CFAP54: variants seen among roughly 807,000 people sequenced by gnomAD.
CFAP54 encodes cilia and flagella associated protein 54.
A neutral mutation model predicts 370.4 loss-of-function variants in CFAP54; 290 were observed. The ratio of observed to expected loss-of-function variants is 0.78; its 90% CI spans 0.71 to 0.86. The LOEUF (loss-of-function observed/expected upper bound fraction) is 0.86, where lower values mean the gene tolerates loss of function less well. CFAP54 is among the 40% of genes least tolerant of loss of function. CFAP54 has a pLI of 0.00. For synonymous variants in CFAP54, 1,206 were observed against 1,236.5 expected, an observed-to-expected ratio of 0.98 and a Z score of 0.52; for missense variants, 3,399 against 3,528.7, an observed-to-expected ratio of 0.96 and a Z score of 0.93.
intron 50 of CFAP54, among the ~76,000 whole-genome samples, chr12:96,726,611 C>T (rs1225461945): frequency 6.6e-6 from 1 of 151,528 alleles, no homozygotes; most frequent in African/African-American, 2.4e-5. Context: ...TTTTGTTGAT[C>T]CTTTCAAAAA....
At chr12:96,679,370 A>T (rs1189078475) in intron 39 of CFAP54, among the ~76,000 whole-genome samples, 1 of 152,008 alleles carries the variant, frequency 6.6e-6, no homozygotes, top group Non-Finnish European at 1.5e-5. Flanking sequence ...TGCATTTCAT[A>T]AGAATCAAAA....
At chr12:96,645,719 C>A (rs1482870237) in intron 33 of CFAP54, 1 of 152,402 alleles carries the variant, frequency 6.6e-6, no homozygotes, top group Non-Finnish European at 1.5e-5. Flanking sequence ...GCTACAGTAA[C>A]CGAAACAGCA....
intron 26 of CFAP54, among the ~76,000 whole-genome samples, chr12:96,609,442 A>G (rs1271327328): frequency 6.6e-6 from 1 of 152,230 alleles, no homozygotes; most frequent in Non-Finnish European, 1.5e-5. Flanking sequence ...CTATTGAATA[A>G]TGACAAAGAC....
Position 96,608,308 on chromosome 12 carries a change from T to TATAC in CFAP54, c.3639+9542_3639+9543insTACA, listed in dbSNP as rs1350523821. 4.6e-5 allele frequency among the ~76,000 whole-genome samples: 7 copies of TATAC among 150,682 alleles called. No individual in the cohort carries two copies. The East Asian group carries it at 7.8e-4, about 17-fold the overall frequency. ...TGCATTTTATATATGCATATATATA[T>TATAC]ACACACACACACACACACACACACA... On this transcript the variant is annotated intron_variant, in intron 26 of 67. Transcript: ENST00000524981.
chr12:96,837,360 C>T (rs1038474485), intron 66 of CFAP54, among the ~76,000 whole-genome samples: 2 of 152,308 alleles, frequency 1.3e-5, no homozygotes, highest in African/African-American at 4.8e-5. Flanking sequence ...TTATCTGGTA[C>T]TGAGTTATCA....
intron 63 of CFAP54, among the ~76,000 whole-genome samples, chr12:96,810,309 T>A (rs1215053427): frequency 6.6e-6 from 1 of 152,176 alleles, no homozygotes; most frequent in African/African-American, 2.4e-5. Context: ...GTTGCTAACA[T>A]CTTTTGTCTG....
chr12:96,562,340 A>G (rs943324223), intron 17 of CFAP54, among the ~76,000 whole-genome samples: 4 of 152,006 alleles, frequency 2.6e-5, no homozygotes, highest in Non-Finnish European at 5.9e-5. Context: ...CATACATCAG[A>G]GAACTGTGTC....
At position 96,679,660 on chromosome 12, in the gene CFAP54, G is replaced by A. The variant is rs1345581705; in HGVS notation, c.5624G>A (p.Cys1875Tyr). ...VPVDVTDTLR[C>Y]FRETLEKSKY... The stretch of plus-strand genomic sequence containing the variant: ...GTGGACGTGACAGACACCTTGAGGT[G>A]TTTTAGAGAGACACTGGAAAAATCC... The change falls in exon 40 of 68, where the codon TGT becomes TAT. Residue 1875 changes from cysteine (C) to tyrosine (Y), a missense_variant. By Grantham distance (194) the Cys-to-Tyr change is radical (BLOSUM62 -2). Transcript: ENST00000524981. The A allele has an allele frequency of 4.3e-6, 7 of 1,613,866 alleles. 1 individual carries two copies. The highest frequency in any genetic ancestry group is 2.2e-5 in the South Asian group (2 of 91,040).
intron 56 of CFAP54, among the ~76,000 whole-genome samples, chr12:96,756,165 A>G (rs1465908149): frequency 1.3e-5 from 2 of 152,206 alleles, no homozygotes; most frequent in East Asian, 3.9e-4. Context: ...AGGGAGAAGC[A>G]CAAAGTAAGG....
chr12:96,594,313 A>T lies in CFAP54; in HGVS notation c.3383A>T (p.Glu1128Val). The T allele has an allele frequency of 2.0e-6, 3 of 1,533,118 alleles. No individual in the cohort carries two copies. The highest frequency in any genetic ancestry group is 2.6e-6 in the Non-Finnish European group (3 of 1,144,924). The allele number at this position is 1,533,118 out of a possible 1,614,324, so 95.0% of individuals were successfully genotyped here. A position where few individuals can be genotyped will look rare whatever the true frequency, so the allele number is the denominator to read the frequency against. ...SQQIARLIEC[E>V]RVLVALELSN... ...CAGATTGCCAGACTGATTGAATGTG[A>T]GAGAGTATTAGTGGCATTGGAACTT... Residue 1128 changes from glutamate (E) to valine (V), a missense_variant, in exon 25 of 68, where the codon GAG (glutamate) becomes GTG (valine). Glu to Val is a moderately radical substitution (Grantham distance 121). Transcript: ENST00000524981.
chr12:96,695,507 C>A (rs1204915248), intron 45 of CFAP54, among the ~76,000 whole-genome samples: 1 of 152,152 alleles, frequency 6.6e-6, no homozygotes, highest in Non-Finnish European at 1.5e-5. Context: ...TTACTGAACT[C>A]TTATGAGTTC....
chr12:96,542,080 A>C (rs892818068), intron 14 of CFAP54, among the ~76,000 whole-genome samples: 2 of 152,104 alleles, frequency 1.3e-5, no homozygotes, highest in Non-Finnish European at 2.9e-5. Context: ...GAGGGTGTTT[A>C]CTTTGCTGTT....
chr12:96,803,751 C>T (rs1269150208), intron 63 of CFAP54, among the ~76,000 whole-genome samples: 1 of 152,044 alleles, frequency 6.6e-6, no homozygotes, highest in Non-Finnish European at 1.5e-5. Context: ...TTGTCCCCTA[C>T]AAAAGCAATT....
chr12:96,535,489 C>T (rs939952396), intron 11 of CFAP54, 26 bp from the exon 12 acceptor site: 10 of 1,434,812 alleles, frequency 7.0e-6, no homozygotes, highest in Admixed American at 2.2e-5. Flanking sequence ...TTTTTTGTTT[C>T]ATTTTCCTCT....
At chr12:96,654,958 A>G (rs1956905428) in intron 36 of CFAP54, among the ~76,000 whole-genome samples, 1 of 151,966 alleles carries the variant, frequency 6.6e-6, no homozygotes, top group East Asian at 1.9e-4. Context: ...GAAAATACCA[A>G]TAGGCATTCT....
intron 33 of CFAP54, chr12:96,645,270 T>C (rs1273093749): frequency 4.9e-6 from 2 of 411,832 alleles, no homozygotes; most frequent in Non-Finnish European, 9.9e-6. Flanking sequence ...ACAAAATCAA[T>C]GAGCAAAAAG....
rs574609132 is a variant in CFAP54, at chr12:96,547,842, A to G, written c.2078-60A>G. The stretch of plus-strand genomic sequence containing the variant: ...CTCTTCCTACTTTTCCTTTTTTTTC[A>G]TCTCCTCTTCTCCCTTCCCCTCCAT... On this transcript the variant is annotated intron_variant, in intron 14 of 67. Transcript: ENST00000524981. The G allele has an allele frequency of 3.3e-4, 263 of 790,652 alleles. 2 individuals carry two copies. The Middle Eastern group carries it at 4.9e-3, about 15-fold the overall frequency. 49.0% of individuals were successfully genotyped at this position (790,652 alleles called of 1,614,324 possible).
At chr12:96,501,631 G>C (rs759646237) in intron 2 of CFAP54, among the ~76,000 whole-genome samples, 17 of 152,276 alleles carry the variant, frequency 1.1e-4, no homozygotes, top group Non-Finnish European at 2.5e-4. Context: ...ATTATTCTAA[G>C]TTATGTGAAC....
chr12:96,841,580 C>G (rs1177149601), intron 66 of CFAP54, among the ~76,000 whole-genome samples: 2 of 152,166 alleles, frequency 1.3e-5, no homozygotes, highest in Non-Finnish European at 2.9e-5. Flanking sequence ...CCCTTGTTGA[C>G]TTTGGGCATT....
Sources: gnomAD v4.1 joint callset for allele counts (sites outside exome capture counted in the v4.1 genomes callset) on GRCh38, gnomAD v4.1.1 for gene constraint, MANE v1.5 for transcripts, NCBI Gene and HGNC (gene_info 2026-07-23, HGNC 2026-07-21) for gene names.